TRIM63: variants seen among roughly 807,000 people sequenced by gnomAD.
TRIM63 encodes E3 ubiquitin-protein ligase TRIM63.
In TRIM63, 48 loss-of-function variants were observed where a neutral mutation model predicts 46.0. That is an observed-to-expected ratio of 1.04 (90% CI 0.83 to 1.33). The LOEUF is 1.33. TRIM63 is among the 40% of genes most tolerant of loss of function. The pLI is 0.00. For synonymous variants in TRIM63, 175 were observed against 162.8 expected (o/e 1.08, Z -0.57); for missense variants, 455 against 441.2 (o/e 1.03, Z -0.28).
chr1:26,053,825 A>T, intron 8 of TRIM63, 68 bp downstream of exon 8: 1 of 1,200,840 alleles, frequency 8.3e-7, no homozygotes, highest in Non-Finnish European at 1.2e-6. Flanking sequence ...CTTCACATAC[A>T]GTAGGCACCT....
At chr1:26,061,115 G>A in intron 3 of TRIM63, 51 bp downstream of exon 3, 3 of 1,581,894 alleles carry the variant, frequency 1.9e-6, no homozygotes, top group Non-Finnish European at 2.6e-6. Flanking sequence ...TGAATCATCA[G>A]GCCGTGCCCA....
intron 2 of TRIM63, among the ~76,000 whole-genome samples, chr1:26,062,454 T>C (rs1482116943): frequency 6.6e-6 from 1 of 152,182 alleles, no homozygotes; most frequent in Non-Finnish European, 1.5e-5. Context: ...ACTTTCTAGC[T>C]GTATGGCCTT....
chr1:26,054,199 C>T (rs1354274265), intron 7 of TRIM63, among the ~76,000 whole-genome samples: 1 of 150,060 alleles, frequency 6.7e-6, no homozygotes, highest in Non-Finnish European at 1.5e-5. Flanking sequence ...GCTCAAGTCA[C>T]TTCCTTGCTC....
chr1:26,053,758 G>A (rs2050542979), intron 8 of TRIM63, 135 bp downstream of exon 8: 1 of 661,562 alleles, frequency 1.5e-6, no homozygotes, highest in Admixed American at 3.3e-5. Flanking sequence ...CCCTCAGTAG[G>A]GTTAAAGCAC....
chr1:26,061,182 A>G lies in TRIM63; in HGVS notation c.485T>C (p.Val162Ala). The change falls in exon 3 of 9, where the codon GTC (valine) becomes GCC (alanine). Residue 162 changes from valine (V) to alanine (A), a missense_variant. Val to Ala is a moderately conservative substitution (Grantham distance 64). Coordinates refer to ENST00000374272, the MANE Select transcript of TRIM63 (RefSeq NM_032588.4). The stretch of plus-strand genomic sequence containing the variant: ...AGACAGTACCTTTTGTCCCTGGAAG[A>G]CACTCTGCAATGGGGCCACCTCGCA... Reference protein sequence around the residue: ...KACEVAPLQSVFQGQKTELNN... With the variant: ...KACEVAPLQSAFQGQKTELNN... 1 of 1,613,982 alleles carries G rather than the reference A, an allele frequency of 6.2e-7. No individual in the cohort carries two copies. Among genetic ancestry groups the G allele is most frequent in the South Asian group, 1.1e-5 (1 of 91,066 alleles).
chr1:26,065,071 T>C (rs901829034), intron 2 of TRIM63, among the ~76,000 whole-genome samples: 1 of 152,194 alleles, frequency 6.6e-6, no homozygotes, highest in African/African-American at 2.4e-5. Flanking sequence ...TCACCCAGGC[T>C]GGAGTGCAGT....
At chr1:26,059,744 T>C (rs575392207) in intron 4 of TRIM63, among the ~76,000 whole-genome samples, 4 of 152,086 alleles carry the variant, frequency 2.6e-5, no homozygotes, top group Admixed American at 6.5e-5. Flanking sequence ...ATAGAAAAGT[T>C]CCCTTCTGCC....
intron 1 of TRIM63, among the ~76,000 whole-genome samples, chr1:26,066,930 C>T (rs749144300): frequency 2.0e-5 from 3 of 151,968 alleles, no homozygotes; most frequent in Non-Finnish European, 4.4e-5. Context: ...GAAGATGCCT[C>T]TACTGCCCAC....
chr1:26,057,398 C>T, intron 6 of TRIM63, 71 bp from the exon 7 acceptor site: 1 of 1,573,278 alleles, frequency 6.4e-7, no homozygotes, highest in Non-Finnish European at 8.6e-7. Context: ...AGGGCACATG[C>T]TTTGCCACGC....
intron 3 of TRIM63, among the ~76,000 whole-genome samples, chr1:26,060,876 G>C (rs1292216167): frequency 6.6e-6 from 1 of 152,168 alleles, no homozygotes; most frequent in Non-Finnish European, 1.5e-5. Context: ...GGTGTCTGGG[G>C]GATGGAGAAG....
Position 26,061,325 on chromosome 1 carries a change from C to T in TRIM63, c.342G>A (p.Leu114=). Residue 114 remains leucine (L), a synonymous_variant, in exon 3 of 9, where the codon CTG becomes CTA. Transcript: ENST00000374272. The part of the protein sequence containing the change: ...IYKQECSSRP[L]QKGSHPMCKE... ...TGCACATGGGGTGACTGCCCTTCTGCAGCGGCCGACTGCAGTGGAGAACAG... is the reference window on the plus strand; with the variant it reads ...TGCACATGGGGTGACTGCCCTTCTGTAGCGGCCGACTGCAGTGGAGAACAG... 1 of 1,613,984 alleles carries T rather than the reference C, an allele frequency of 6.2e-7. No individual in the cohort carries two copies. The highest frequency in any genetic ancestry group is 8.5e-7 in the Non-Finnish European group (1 of 1,179,922).
chr1:26,052,945 AATTTT>A (rs2050535783), intron 8 of TRIM63, among the ~76,000 whole-genome samples: 1 of 152,134 alleles, frequency 6.6e-6, no homozygotes, highest in African/African-American at 2.4e-5. Context: ...GTTAGCAATT[AATTTT>A]TTCTTTTAAG....
At chr1:26,066,560 G>A (rs1419744087) in intron 1 of TRIM63, 120 bp from the exon 2 acceptor site, 1 of 878,726 alleles carries the variant, frequency 1.1e-6, no homozygotes, top group Admixed American at 3.1e-5. Flanking sequence ...TAACAACCTG[G>A]AGCTCTGCAG....
chr1:26,059,114 T>A (rs1250859690), intron 4 of TRIM63, among the ~76,000 whole-genome samples: 1 of 138,250 alleles, frequency 7.2e-6, no homozygotes, highest in South Asian at 2.4e-4. Flanking sequence ...AACCTCCACC[T>A]CCCAGGTTCA....
At position 26,060,331 on chromosome 1, in the gene TRIM63, C is replaced by T. The variant is rs1222445715; in HGVS notation, c.532G>A (p.Val178Met). ...GTCTGCACACGGTCATTCCCCGCCA[C>T]CAGCATGGAGATACAGTTATTCAGT... ...TELNNCISML[V>M]AGNDRVQTII... is the part of the protein sequence containing the mutation. Residue 178 changes from valine to methionine, a missense_variant, in exon 4 of 9, where the codon GTG (valine) becomes ATG (methionine). Coordinates refer to ENST00000374272, the MANE Select transcript of TRIM63 (RefSeq NM_032588.4). The T allele has an allele frequency of 2.5e-6, 4 of 1,613,956 alleles. No individual in the cohort carries two copies. In the Admixed American group the frequency reaches 5.0e-5, roughly 20 times the overall value.
intron 2 of TRIM63, 53 bp from the exon 3 acceptor site, chr1:26,061,387 C>A (rs1557574376): frequency 6.3e-7 from 1 of 1,582,924 alleles, no homozygotes; most frequent in East Asian, 2.2e-5. Context: ...CTGCATCCCC[C>A]TCCCCAGCTC....
At chr1:26,059,820 G>T (rs2050606542) in intron 4 of TRIM63, among the ~76,000 whole-genome samples, 1 of 152,186 alleles carries the variant, frequency 6.6e-6, no homozygotes, top group Non-Finnish European at 1.5e-5. Context: ...CCTGGGAACT[G>T]GCTAGAAATG....
At chr1:26,056,065 T>A (rs950034047) in intron 7 of TRIM63, among the ~76,000 whole-genome samples, 2 of 152,204 alleles carry the variant, frequency 1.3e-5, no homozygotes, top group East Asian at 3.8e-4. Context: ...TGTTCCTTCA[T>A]CATCCCCTTG....
At position 26,067,556 on chromosome 1, in the gene TRIM63, A is replaced by T; in HGVS notation, c.-62T>A. The T allele has an allele frequency of 6.3e-7, 1 of 1,576,388 alleles. No homozygotes were observed. The highest frequency in any genetic ancestry group is 1.2e-5 in the South Asian group (1 of 86,630). On this transcript the variant is annotated 5_prime_UTR_variant, in exon 1 of 9. Transcript: ENST00000374272. ...CCTCTACTAACTTTGCTCTAAGTAG[A>T]CCTGGGGGTCTTGCCTTTGTCACAA... is the stretch of plus-strand genomic sequence containing the variant.
Sources: allele counts gnomAD v4.1 joint callset (sites outside exome capture counted in the v4.1 genomes callset), GRCh38; gene constraint gnomAD v4.1.1; transcripts MANE v1.5; gene names NCBI Gene and HGNC (gene_info 2026-07-23, HGNC 2026-07-21).